Variants in NUMB observed in about 807,000 individuals in gnomAD.
NUMB encodes the protein protein numb homolog.
Under a neutral mutation model 59.7 loss-of-function variants are expected in NUMB, and 29 were observed. The ratio of observed to expected loss-of-function variants is 0.49; its 90% CI spans 0.36 to 0.66. The LOEUF (loss-of-function observed/expected upper bound fraction) is 0.66, where lower values mean the gene tolerates loss of function less well. Ranked by LOEUF, NUMB falls within the 30% of genes least tolerant of loss-of-function variation. The pLI is 0.00. For missense variants in NUMB, 723 were observed against 822.0 expected, an observed-to-expected ratio of 0.88 and a Z score of 1.47; for synonymous variants, 288 against 288.2, an observed-to-expected ratio of 1.00 and a Z score of 0.01.
chr14:73,432,844 T>C (rs543555484), intron 1 of NUMB, among the ~76,000 whole-genome samples: 27 of 152,238 alleles, frequency 1.8e-4, no homozygotes, highest in African/African-American at 6.5e-4. Context: ...ATTAATCTTA[T>C]CTAAACCCAA....
chr14:73,356,050 A>C (rs1194860724), intron 3 of NUMB, among the ~76,000 whole-genome samples: 1 of 152,218 alleles, frequency 6.6e-6, no homozygotes, highest in Non-Finnish European at 1.5e-5. Context: ...GGATTTAAAG[A>C]CATATTATCC....
At position 73,276,621 on chromosome 14, in the gene NUMB, G is replaced by A; in HGVS notation, c.1913C>T (p.Pro638Leu). ...CGTCTTCTGTAAGTCACTGGAGAAA[G>A]GGTTGGTAGGGGAGGGATTAGTACG... Reference protein sequence around the residue: ...KQRTNPSPTNPFSSDLQKTFE... With the variant: ...KQRTNPSPTNLFSSDLQKTFE... The change falls in exon 13 of 13, where the codon CCT becomes CTT. Residue 638 changes from proline (P) to leucine (L), a missense_variant. Pro to Leu is a moderately conservative substitution (Grantham distance 98). Coordinates refer to ENST00000555238, the MANE Select transcript of NUMB (RefSeq NM_001005743.2). 6.2e-7 allele frequency: 1 copy of A among 1,614,066 alleles called. No homozygotes were observed. The highest frequency in any genetic ancestry group is 8.5e-7 in the Non-Finnish European group (1 of 1,179,936).
intron 2 of NUMB, among the ~76,000 whole-genome samples, chr14:73,407,150 GT>G (rs1450459193): frequency 6.7e-6 from 1 of 149,164 alleles, no homozygotes; most frequent in African/African-American, 2.5e-5. Flanking sequence ...GCCTCATCTT[GT>G]TTTTAAATGC....
At chr14:73,338,576 C>T (rs959609602) in intron 4 of NUMB, among the ~76,000 whole-genome samples, 12 of 152,192 alleles carry the variant, frequency 7.9e-5, no homozygotes, top group African/African-American at 2.9e-4. Flanking sequence ...TAATCCCACT[C>T]CTCTGTTTAA....
intron 2 of NUMB, among the ~76,000 whole-genome samples, chr14:73,389,312 TC>T (rs34868607): frequency 1.1e-5 from 1 of 92,884 alleles, no homozygotes. Flanking sequence ...AAAACACTGG[TC>T]TCTGTTTTAT....
chr14:73,445,354 C>CAAAAAAAAAAAAAAAAAAAA lies in NUMB; in HGVS notation c.-233+13119_-233+13138dup, dbSNP rs752154048. ...TGAGTGACAAAGTGAGACCCTGTCT[C>CAAAAAAAAAAAAAAAAAAAA]AAAAAAAAAAAAAAAAAAAAAAAAA... is the stretch of plus-strand genomic sequence containing the variant. On this transcript the variant is annotated intron_variant, in intron 1 of 12. Transcript: ENST00000555238. Among the ~76,000 whole-genome samples the CAAAAAAAAAAAAAAAAAAAA allele has an allele frequency of 1.4e-4, 8 of 57,578 alleles. 2 individuals carry two copies. The highest frequency in any genetic ancestry group is 1.6e-4 in the Non-Finnish European group (5 of 30,718). 37.8% of individuals were successfully genotyped at this position (57,578 alleles called of 152,430 possible).
intron 2 of NUMB, among the ~76,000 whole-genome samples, chr14:73,376,142 A>G (rs544441666): frequency 3.3e-5 from 5 of 152,230 alleles, no homozygotes. Flanking sequence ...AAGACTTCCC[A>G]TGTAGAAAAC....
At chr14:73,287,684 T>C (rs1428017756) in intron 8 of NUMB, among the ~76,000 whole-genome samples, 1 of 152,196 alleles carries the variant, frequency 6.6e-6, no homozygotes, top group East Asian at 1.9e-4. Flanking sequence ...GGCCCAAATG[T>C]CTGTTTTTAT....
At chr14:73,282,892 T>A (rs536318356) in intron 10 of NUMB, among the ~76,000 whole-genome samples, 1 of 152,226 alleles carries the variant, frequency 6.6e-6, no homozygotes, top group Admixed American at 6.5e-5. Flanking sequence ...AAGACTGTGA[T>A]CTGAATTAGG....
At chr14:73,372,229 T>C (rs139283147) in intron 2 of NUMB, among the ~76,000 whole-genome samples, 6 of 146,184 alleles carry the variant, frequency 4.1e-5, no homozygotes, top group Non-Finnish European at 9.0e-5. Context: ...CAATACTCCA[T>C]CTCAAAAAAA....
At chr14:73,362,975 C>A (rs976698843) in intron 3 of NUMB, among the ~76,000 whole-genome samples, 3 of 151,670 alleles carry the variant, frequency 2.0e-5, no homozygotes, top group Non-Finnish European at 2.9e-5. Context: ...ATAGTGAGAC[C>A]CTGTCTCTAT....
chr14:73,297,606 C>A, intron 6 of NUMB: 1 of 192,800 alleles, frequency 5.2e-6, no homozygotes, highest in Non-Finnish European at 1.1e-5. Flanking sequence ...ATTCTTCACC[C>A]ATTTAAAAAA....
intron 1 of NUMB, among the ~76,000 whole-genome samples, chr14:73,446,220 C>T (rs548409151): frequency 6.6e-6 from 1 of 150,988 alleles, no homozygotes; most frequent in East Asian, 2.0e-4. Context: ...TGGTCTCAAA[C>T]TTCTGACCTC....
At chr14:73,292,677 G>T in intron 8 of NUMB, 57 bp downstream of exon 8, 2 of 1,584,500 alleles carry the variant, frequency 1.3e-6, no homozygotes, top group South Asian at 1.1e-5. Flanking sequence ...AGCAAACCCA[G>T]AAAGAGCCCA....
intron 2 of NUMB, among the ~76,000 whole-genome samples, chr14:73,371,457 C>CCA (rs1894667297): frequency 6.6e-6 from 1 of 152,048 alleles, no homozygotes; most frequent in African/African-American, 2.4e-5. Context: ...ATCACTTAAA[C>CCA]CCGGGAGGTG....
At chr14:73,334,994 C>T (rs1892222373) in intron 4 of NUMB, among the ~76,000 whole-genome samples, 1 of 149,640 alleles carries the variant, frequency 6.7e-6, no homozygotes, top group Admixed American at 6.7e-5. Flanking sequence ...CAAGTATTCA[C>T]ATATCTTAAT....
At position 73,303,317 on chromosome 14, in the gene NUMB, T is replaced by G. The variant is rs183900613; in HGVS notation, c.235-6032A>C. ...CATGCTGGCCAGGCATGGTGGCTCA[T>G]GCCTGTAATCCCAGCACTTTGGGAG... On this transcript the variant is annotated intron_variant, in intron 6 of 12. Transcript: ENST00000555238. Among the ~76,000 whole-genome samples the G allele has an allele frequency of 5.9e-3, 898 of 151,314 alleles. 3 individuals are homozygous for G. Among genetic ancestry groups the G allele is most frequent in the Non-Finnish European group, 0.01 (684 of 67,756 alleles).
chr14:73,427,995 T>G (rs1897659889), intron 1 of NUMB, among the ~76,000 whole-genome samples: 2 of 152,158 alleles, frequency 1.3e-5, no homozygotes, highest in Non-Finnish European at 2.9e-5. Flanking sequence ...ATAACTAACT[T>G]TGTTGAGTGG....
At chr14:73,362,440 A>G (rs1894141946) in intron 3 of NUMB, among the ~76,000 whole-genome samples, 1 of 152,030 alleles carries the variant, frequency 6.6e-6, no homozygotes, top group Non-Finnish European at 1.5e-5. Flanking sequence ...AAAGAAAATT[A>G]TCATCTAATT....
Sources: allele counts gnomAD v4.1 joint callset (sites outside exome capture counted in the v4.1 genomes callset), GRCh38; gene constraint gnomAD v4.1.1; transcripts MANE v1.5; gene names NCBI Gene and HGNC (gene_info 2026-07-23, HGNC 2026-07-21).